Variants in KDELR3 observed in about 807,000 individuals in gnomAD.
KDELR3 encodes the protein KDEL endoplasmic reticulum protein retention receptor 3.
KDELR3 carries 26 observed loss-of-function variants against 22.7 expected under a neutral mutation model. That is an observed-to-expected ratio of 1.15 (90% CI 0.84 to 1.59). The LOEUF is 1.59. Ranked by LOEUF, KDELR3 falls within the 40% of genes most tolerant of loss-of-function variation. The pLI, the probability that KDELR3 is intolerant of heterozygous loss-of-function variation, is 0.00. For synonymous variants in KDELR3, 120 were observed against 98.2 expected, an observed-to-expected ratio of 1.22 and a Z score of -1.31; for missense variants, 289 against 251.1, an observed-to-expected ratio of 1.15 and a Z score of -1.02.
chr22:38,469,202 G>A lies in KDELR3; in HGVS notation c.91+878G>A, dbSNP rs183716621. On this transcript the variant is annotated intron_variant, in intron 1 of 4. Coordinates refer to ENST00000216014, the MANE Select transcript of KDELR3 (RefSeq NM_006855.4). ...GGAAGTGTGTGCTGTGGAGGGCTCCGGGGATGAAGAGGCATGGAGGTCACC... is the reference window on the plus strand; with the variant it reads ...GGAAGTGTGTGCTGTGGAGGGCTCCAGGGATGAAGAGGCATGGAGGTCACC... Among the ~76,000 whole-genome samples, 309 of 152,362 alleles carry A rather than the reference G, an allele frequency of 2.0e-3. 1 individual carries two copies. The highest frequency in any genetic ancestry group is 3.2e-3 in the Non-Finnish European group (219 of 68,036).
In KDELR3 at chr22:38,468,380, C is replaced by G. The variant is rs28470814; in HGVS notation, c.91+56C>G. On this transcript the variant is annotated intron_variant, in intron 1 of 4. Coordinates refer to ENST00000216014, the MANE Select transcript of KDELR3 (RefSeq NM_006855.4). ...CCCCCTCTCTGGCCAGCCTCATGCC[C>G]CTGCGTGCAGGGCAGGGCGCTCCAG... 5,463 of 1,546,942 alleles carry G rather than the reference C, an allele frequency of 3.5e-3. 198 individuals carry two copies. In the African/African-American group the frequency reaches 0.068, roughly 19 times the overall value.
In KDELR3 at chr22:38,479,746, C is replaced by T. The variant is rs1007619701; in HGVS notation, c.346C>T (p.Leu116=). ...SFLENYSFTL[L]EILWTFSIYL... ...CCTTGAAAACTACAGTTTCACTCTGCTGGAGGTAAGGGAATGGACTGAGTA... is the reference window on the plus strand; with the variant it reads ...CCTTGAAAACTACAGTTTCACTCTGTTGGAGGTAAGGGAATGGACTGAGTA... The change falls in exon 3 of 5, where the codon CTG becomes TTG. Residue 116 remains leucine, a synonymous_variant. Transcript: ENST00000216014. The T allele has an allele frequency of 6.2e-6, 10 of 1,614,126 alleles. No homozygotes were observed. Among genetic ancestry groups the T allele is most frequent in the Non-Finnish European group, 7.6e-6 (9 of 1,179,970 alleles).
At position 38,468,130 on chromosome 22, in the gene KDELR3, TG is replaced by T. The variant is rs1252871960; in HGVS notation, c.-100del. ...GAGCTGTGAGGCGCAGGCAGGGCTC[TG>T]GGGCACCTAGAGACCGGGGCCGGAG... On this transcript the variant is annotated 5_prime_UTR_variant, in exon 1 of 5. Transcript: ENST00000216014. 8.2e-6 allele frequency: 8 copies of T among 974,726 alleles called. No homozygotes were observed. The highest frequency in any genetic ancestry group is 8.0e-5 in the African/African-American group (5 of 62,288). 60.4% of individuals were successfully genotyped at this position (974,726 alleles called of 1,614,324 possible). A position where few individuals can be genotyped will look rare whatever the true frequency, so the allele number is the denominator to read the frequency against.
chr22:38,481,513 C>A (rs376833955), intron 4 of KDELR3, 49 bp downstream of exon 4: 6 of 1,611,818 alleles, frequency 3.7e-6, no homozygotes, highest in Middle Eastern at 1.6e-4. Context: ...AGGAGTTACT[C>A]ATCCATTTAA....
Position 38,481,370 on chromosome 22 carries a change from C to T in KDELR3, c.510C>T (p.Tyr170=). ...ACCTGGCTAACTGGATCAGGCGGTA[C>T]CAGACTGAGAATTTCTATGACCAAA... ...ALYLANWIRR[Y]QTENFYDQIA... is the part of the protein sequence containing the mutation. Residue 170 remains tyrosine, a synonymous_variant, in exon 4 of 5, where the codon TAC becomes TAT. Coordinates refer to ENST00000216014, the MANE Select transcript of KDELR3 (RefSeq NM_006855.4). 1 of 1,614,172 alleles carries T rather than the reference C, an allele frequency of 6.2e-7. No individual in the cohort carries two copies. The highest frequency in any genetic ancestry group is 8.5e-7 in the Non-Finnish European group (1 of 1,180,028).
chr22:38,482,592 T>G lies in KDELR3; in HGVS notation c.*56T>G. On this transcript the variant is annotated 3_prime_UTR_variant, in exon 5 of 5. Transcript: ENST00000216014. ...AGCACATGAAGGAAACTATTTTGAA[T>G]GTTCTCTTTGGCAACTTATCCATAA... is the stretch of plus-strand genomic sequence containing the variant. 1.4e-6 allele frequency: 2 copies of G among 1,446,984 alleles called. No homozygotes were observed. Among genetic ancestry groups the G allele is most frequent in the Non-Finnish European group, 9.7e-7 (1 of 1,033,118 alleles). 89.6% of individuals were successfully genotyped at this position (1,446,984 alleles called of 1,614,324 possible).
At position 38,474,543 on chromosome 22, in the gene KDELR3, A is replaced by G; in HGVS notation, c.112A>G (p.Ile38Val). 1.2e-6 allele frequency: 2 copies of G among 1,613,922 alleles called. No homozygotes were observed. The highest frequency in any genetic ancestry group is 1.7e-6 in the Non-Finnish European group (2 of 1,179,966). Reference protein sequence around the residue: ...CCKGISGKSQILFALVFTTRY... With the variant: ...CCKGISGKSQVLFALVFTTRY... ...CACAGGCATCTCTGGGAAGAGCCAG[A>G]TCCTGTTTGCTCTCGTCTTCACCAC... The change falls in exon 2 of 5, where the codon ATC becomes GTC. Residue 38 changes from isoleucine (I) to valine (V), a missense_variant. Transcript: ENST00000216014.
In KDELR3 at chr22:38,474,632, C is replaced by CT. The variant is rs1328594754; in HGVS notation, c.192+10dup. The CT allele has an allele frequency of 6.2e-7, 1 of 1,605,312 alleles. No individual in the cohort carries two copies. Among genetic ancestry groups the CT allele is most frequent in the African/African-American group, 1.3e-5 (1 of 74,692 alleles). On this transcript the variant is annotated intron_variant, in intron 2 of 4. Coordinates refer to ENST00000216014, the MANE Select transcript of KDELR3 (RefSeq NM_006855.4). ...ACAACACAGTAATGAAGGTGAGGGG[C>CT]TGGGTGATGATGGTTGGGGGAAGCC...
At chr22:38,469,105 G>A (rs1345635116) in intron 1 of KDELR3, among the ~76,000 whole-genome samples, 1 of 151,994 alleles carries the variant, frequency 6.6e-6, no homozygotes, top group Non-Finnish European at 1.5e-5. Flanking sequence ...AGAAGGCTGA[G>A]AGTGGGCCCC....
At position 38,468,219 on chromosome 22, in the gene KDELR3, C is replaced by G. The variant is rs367801126; in HGVS notation, c.-15C>G. Reference sequence around the variant, plus strand: ...AAGTTTGCTGGGCGCGGGCGCACGACTGACTGGCTGGACCATGAACGTGTT... The same window carrying G: ...AAGTTTGCTGGGCGCGGGCGCACGAGTGACTGGCTGGACCATGAACGTGTT... On this transcript the variant is annotated 5_prime_UTR_variant, in exon 1 of 5. Coordinates refer to ENST00000216014, the MANE Select transcript of KDELR3 (RefSeq NM_006855.4). 6 of 1,612,786 alleles carry G rather than the reference C, an allele frequency of 3.7e-6. No individual in the cohort carries two copies. The African/African-American group carries it at 8.0e-5, about 22-fold the overall frequency.
At chr22:38,479,792 T>C in intron 3 of KDELR3, 41 bp downstream of exon 3, 4 of 1,592,886 alleles carry the variant, frequency 2.5e-6, no homozygotes, top group Non-Finnish European at 3.4e-6. Context: ...AAGGGAAATA[T>C]GCTCCCTGCA....
At chr22:38,476,777 GC>G (rs891523181) in intron 2 of KDELR3, among the ~76,000 whole-genome samples, 3 of 150,628 alleles carry the variant, frequency 2.0e-5, no homozygotes, top group African/African-American at 7.3e-5. Context: ...GCCCACCTTG[GC>G]CCCCCAAAGT....
Position 38,479,577 on chromosome 22 carries a change from C to G in KDELR3, c.193-16C>G. 3 of 1,607,818 alleles carry G rather than the reference C, an allele frequency of 1.9e-6. No homozygotes were observed. Among genetic ancestry groups the G allele is most frequent in the Non-Finnish European group, 1.7e-6 (2 of 1,174,452 alleles). On this transcript the variant is annotated splice_polypyrimidine_tract_variant and intron_variant, in intron 2 of 4. Transcript: ENST00000216014. ...GACTTCATAGATTCGATTCCCATGT[C>G]TCTCTCCCCTTTTAGGTGGTTTTTC...
intron 3 of KDELR3, among the ~76,000 whole-genome samples, chr22:38,480,698 A>C (rs572557990): frequency 2.0e-5 from 3 of 152,174 alleles, no homozygotes; most frequent in Admixed American, 2.0e-4. Flanking sequence ...GCTTGCAGTG[A>C]GCCGAGATCG....
In KDELR3 at chr22:38,482,502, A is replaced by T; in HGVS notation, c.611A>T (p.Lys204Met). 6.2e-7 allele frequency: 1 copy of T among 1,612,376 alleles called. No individual in the cohort carries two copies. The highest frequency in any genetic ancestry group is 8.5e-7 in the Non-Finnish European group (1 of 1,178,374). The stretch of plus-strand genomic sequence containing the variant: ...CATCTCCATTTTCTTCCAGTCCTTA[A>T]GGGAAAGAAGTTAAGTCTTCCAATG... ...FFYLYVTKVL[K>M]GKKLSLPMPI The change falls in exon 5 of 5, where the codon AAG becomes ATG. Residue 204 changes from lysine (K) to methionine (M), a missense_variant. Transcript: ENST00000216014.
rs2089618519 is a variant in KDELR3, at chr22:38,483,228, T to TTAA, written c.*692_*693insTAA. 1 of 152,268 alleles carries TTAA rather than the reference T, an allele frequency of 6.6e-6. No homozygotes were observed. The highest frequency in any genetic ancestry group is 2.1e-4 in the South Asian group (1 of 4,832). The allele number at this position is 152,268 out of a possible 1,614,324, so 9.4% of individuals were successfully genotyped here. A position where few individuals can be genotyped will look rare whatever the true frequency, so the allele number is the denominator to read the frequency against. On this transcript the variant is annotated 3_prime_UTR_variant, in exon 5 of 5. Transcript: ENST00000216014. ...ATTTGCACAATCACTGTTTTACTTA[T>TTAA]GAGCAGATACAGATATATCCAAACC...
At chr22:38,472,431 C>T (rs1039696861) in intron 1 of KDELR3, among the ~76,000 whole-genome samples, 7 of 150,204 alleles carry the variant, frequency 4.7e-5, no homozygotes, top group East Asian at 2.0e-4. Context: ...GAGTCGAGAT[C>T]GCACCACTGC....
Position 38,468,295 on chromosome 22 carries a change from G to A in KDELR3, c.62G>A (p.Gly21Glu), listed in dbSNP as rs202127992. Reference protein sequence around the residue: ...SHLLAMILLLGKIWRSKCCKG... With the variant: ...SHLLAMILLLEKIWRSKCCKG... ...CTCCTGGCCATGATCTTGCTGCTGG[G>A]GAAGATCTGGAGGTCCAAGTGCTGC... Residue 21 changes from glycine (G) to glutamate (E), a missense_variant, in exon 1 of 5, where the codon GGG (glycine) becomes GAG (glutamate). Gly to Glu is a moderately conservative substitution (Grantham distance 98). Transcript: ENST00000216014. 7 of 1,613,918 alleles carry A rather than the reference G, an allele frequency of 4.3e-6. No homozygotes were observed. The African/African-American group carries it at 8.0e-5, about 18-fold the overall frequency.
chr22:38,482,391 ACT>A, intron 4 of KDELR3, 103 bp from the exon 5 acceptor site: 1 of 926,082 alleles, frequency 1.1e-6, no homozygotes, highest in Admixed American at 1.9e-5. Context: ...TCGAACATAT[ACT>A]GTGAGCCGGC....
Sources: allele counts gnomAD v4.1 joint callset (sites outside exome capture counted in the v4.1 genomes callset), GRCh38; gene constraint gnomAD v4.1.1; transcripts MANE v1.5; gene names NCBI Gene and HGNC (gene_info 2026-07-23, HGNC 2026-07-21).